MKLN1: variants seen among roughly 807,000 people sequenced by gnomAD.
MKLN1 encodes muskelin 1.
MKLN1 carries 18 observed loss-of-function variants against 99.0 expected under a neutral mutation model. That is an observed-to-expected ratio of 0.18 (90% CI 0.13 to 0.27). MKLN1 has a LOEUF of 0.27. Ranked by LOEUF, MKLN1 falls within the 10% of genes least tolerant of loss-of-function variation. MKLN1 has a pLI of 1.00. For synonymous variants in MKLN1, 288 were observed against 293.2 expected (o/e 0.98, Z 0.18); for missense variants, 621 against 875.9 (o/e 0.71, Z 3.67).
At position 131,141,444 on chromosome 7, in the gene MKLN1, A is replaced by G. The variant is rs1284867952; in HGVS notation, c.-418-1376A>G. On this transcript the variant is annotated intron_variant, in intron 1 of 7. Coordinates refer to the MKLN1 transcript ENST00000416992. ...CGGACTTTGCCCTCTTCAAAACTCC[A>G]ACATGTAATCTATCACGACTTTCAG... Among the ~76,000 whole-genome samples the G allele has an allele frequency of 3.9e-5, 6 of 152,188 alleles. No individual in the cohort carries two copies. The East Asian group carries it at 5.8e-4, about 15-fold the overall frequency.
At chr7:131,216,179 C>T (rs1796978327) in intron 3 of MKLN1, among the ~76,000 whole-genome samples, 1 of 152,044 alleles carries the variant, frequency 6.6e-6, no homozygotes, top group East Asian at 1.9e-4. Flanking sequence ...GCAGGCAGAT[C>T]ACCTGAGGTC....
intron 1 of MKLN1, among the ~76,000 whole-genome samples, chr7:131,340,653 G>A (rs1433927125): frequency 6.6e-6 from 1 of 152,114 alleles, no homozygotes; most frequent in Non-Finnish European, 1.5e-5. Flanking sequence ...AAACTCCATA[G>A]AATGTATGGA....
chr7:131,115,103 A>G (rs539662612), intron 1 of MKLN1, among the ~76,000 whole-genome samples: 3 of 152,286 alleles, frequency 2.0e-5, no homozygotes, highest in Admixed American at 6.5e-5. Flanking sequence ...CAGATAGATG[A>G]AGTTCTTTTA....
At chr7:131,315,171 G>A (rs1047055617) in intron 3 of MKLN1, among the ~76,000 whole-genome samples, 31 of 152,106 alleles carry the variant, frequency 2.0e-4, no homozygotes, top group African/African-American at 5.3e-4. Context: ...AGCTCCCAGC[G>A]AGACCAATGC....
intron 1 of MKLN1, among the ~76,000 whole-genome samples, chr7:131,344,431 A>G (rs149035591): frequency 0.018 from 2,701 of 152,270 alleles, 67 homozygotes; most frequent in African/African-American, 0.061. Flanking sequence ...AGTTAAGTCT[A>G]TGGTTTAAAA....
At chr7:131,143,786 A>G (rs778834900) in intron 2 of MKLN1, among the ~76,000 whole-genome samples, 9 of 152,168 alleles carry the variant, frequency 5.9e-5, no homozygotes, top group Non-Finnish European at 8.8e-5. Context: ...CATGATCACA[A>G]CACTGCACTC....
intron 1 of MKLN1, among the ~76,000 whole-genome samples, chr7:131,348,530 G>GTT (rs59281845): frequency 4.8e-5 from 7 of 144,842 alleles, no homozygotes; most frequent in East Asian, 4.0e-4. Flanking sequence ...TAGTCGTTGG[G>GTT]TTTTTTTTTT....
intron 2 of MKLN1, among the ~76,000 whole-genome samples, chr7:131,175,854 T>G (rs1321706586): frequency 6.6e-6 from 1 of 152,078 alleles, no homozygotes; most frequent in East Asian, 1.9e-4. Context: ...GAGCCAAGAT[T>G]GCACCATTGC....
intron 1 of MKLN1, among the ~76,000 whole-genome samples, chr7:131,359,521 C>T (rs997200151): frequency 3.3e-5 from 5 of 152,094 alleles, no homozygotes; most frequent in African/African-American, 9.7e-5. Flanking sequence ...TGATGATGCT[C>T]TTCAGTTCAA....
chr7:131,439,099 C>G (rs1795755085), intron 10 of MKLN1, among the ~76,000 whole-genome samples: 2 of 152,148 alleles, frequency 1.3e-5, no homozygotes, highest in Non-Finnish European at 2.9e-5. Context: ...CTCTATTTAA[C>G]TGAGCTCCAC....
At chr7:131,469,833 G>GT (rs1438441997) in intron 15 of MKLN1, among the ~76,000 whole-genome samples, 5 of 150,658 alleles carry the variant, frequency 3.3e-5, no homozygotes, top group African/African-American at 1.2e-4. Flanking sequence ...GATTTTTGTT[G>GT]TTGTTTAGGA....
Position 131,496,540 on chromosome 7 carries a change from T to C in MKLN1, c.*8812T>C, listed in dbSNP as rs553131247. 1.2e-4 allele frequency: 19 copies of C among 152,240 alleles called. No individual in the cohort carries two copies. The highest frequency in any genetic ancestry group is 4.6e-4 in the African/African-American group (19 of 41,484). 9.4% of individuals were successfully genotyped at this position (152,240 alleles called of 1,614,324 possible). A position where few individuals can be genotyped will look rare whatever the true frequency, so the allele number is the denominator to read the frequency against. On this transcript the variant is annotated 3_prime_UTR_variant, in exon 18 of 18. Coordinates refer to ENST00000352689, the MANE Select transcript of MKLN1 (RefSeq NM_013255.5). ...AAATAAATGAGTGATCTGCTAAAAATGGCAATTGTAGAATTATGTTGTATG... is the reference window on the plus strand; with the variant it reads ...AAATAAATGAGTGATCTGCTAAAAACGGCAATTGTAGAATTATGTTGTATG...
intron 3 of MKLN1, among the ~76,000 whole-genome samples, chr7:131,322,571 T>C (rs1225776434): frequency 1.4e-5 from 2 of 146,556 alleles, no homozygotes; most frequent in African/African-American, 5.0e-5. Flanking sequence ...TTTTTTTTTT[T>C]TTTTTTTTTT....
At chr7:131,475,378 A>T (rs1362009001) in intron 16 of MKLN1, among the ~76,000 whole-genome samples, 2 of 152,206 alleles carry the variant, frequency 1.3e-5, no homozygotes, top group Non-Finnish European at 2.9e-5. Context: ...TAACAAAAAA[A>T]ACTCTAGGCC....
Position 131,406,101 on chromosome 7 carries a change from CA to C in MKLN1, c.704-5202del, listed in dbSNP as rs1261267492. Among the ~76,000 whole-genome samples, 5 of 152,032 alleles carry C rather than the reference CA, an allele frequency of 3.3e-5. No individual in the cohort carries two copies. The South Asian group carries it at 8.3e-4, about 25-fold the overall frequency. ...TTGATGCCATGTTTTTAATTGAAAA[CA>C]AATTTTAAATTATTTTGAATTAAAT... On this transcript the variant is annotated intron_variant, in intron 6 of 17. Transcript: ENST00000352689.
At chr7:131,169,416 C>G (rs12530892) in intron 2 of MKLN1, among the ~76,000 whole-genome samples, 1 of 151,924 alleles carries the variant, frequency 6.6e-6, no homozygotes, top group Non-Finnish European at 1.5e-5. Context: ...TACAGTGTCT[C>G]GATAACTATT....
At chr7:131,358,947 G>C (rs1009622841) in intron 1 of MKLN1, among the ~76,000 whole-genome samples, 8 of 151,514 alleles carry the variant, frequency 5.3e-5, no homozygotes, top group African/African-American at 1.9e-4. Context: ...CAGTTTTATT[G>C]GTCTTTTCAG....
rs1460546464 is a variant in MKLN1 at position 131,333,426 on chromosome 7, G to T, written c.98+5429G>T. 2.0e-5 allele frequency among the ~76,000 whole-genome samples: 3 copies of T among 152,004 alleles called. No homozygotes were observed. The East Asian group carries it at 5.8e-4, about 29-fold the overall frequency. On this transcript the variant is annotated intron_variant, in intron 1 of 17. Transcript: ENST00000352689. ...CCATGTAATGACTTTATGTCATTTT[G>T]TTTAATTGGTCCCGTGTTATTAGAC...
At chr7:131,169,417 G>A (rs900520685) in intron 2 of MKLN1, among the ~76,000 whole-genome samples, 2 of 152,086 alleles carry the variant, frequency 1.3e-5, no homozygotes, top group African/African-American at 4.8e-5. Context: ...ACAGTGTCTC[G>A]ATAACTATTT....
Sources: gnomAD v4.1 joint callset for allele counts (sites outside exome capture counted in the v4.1 genomes callset) on GRCh38, gnomAD v4.1.1 for gene constraint, MANE v1.5 for transcripts, NCBI Gene and HGNC (gene_info 2026-07-23, HGNC 2026-07-21) for gene names.